The following KANK1 variants were observed in gnomAD, a reference collection of about 807,000 sequenced individuals.
KANK1 encodes the protein KN motif and ankyrin repeat domain-containing protein 1.
A neutral mutation model predicts 106.2 loss-of-function variants in KANK1; 109 were observed. The ratio of observed to expected loss-of-function variants is 1.03; its 90% CI spans 0.88 to 1.20. The LOEUF is 1.20. Ranked by LOEUF, KANK1 falls within the 50% of genes most tolerant of loss-of-function variation. The probability of loss-of-function intolerance (pLI) is 0.00; values close to 1 mark genes in which losing one functional copy is unlikely to be tolerated. For missense variants in KANK1, 2,399 were observed against 1,710.7 expected, an observed-to-expected ratio of 1.40 and a Z score of -7.10; for synonymous variants, 873 against 652.2, an observed-to-expected ratio of 1.34 and a Z score of -5.16.
chr9:603,772 G>A lies in KANK1; in HGVS notation c.-83-73118G>A, dbSNP rs982178043. 6.1e-4 allele frequency among the ~76,000 whole-genome samples: 92 copies of A among 151,302 alleles called. 1 individual carries two copies. Among genetic ancestry groups the A allele is most frequent in the Non-Finnish European group, 7.2e-4 (49 of 67,870 alleles). ...GGAGTCCGAGACCAGTCTGGCCAAT[G>A]TGGCGAAACCCACCCCGTCTCTACT... On this transcript the variant is annotated intron_variant, in intron 1 of 11. Coordinates refer to ENST00000382297, the MANE Select transcript of KANK1 (RefSeq NM_015158.5).
intron 1 of KANK1, among the ~76,000 whole-genome samples, chr9:554,396 C>CTGAT (rs1414216376): frequency 6.6e-6 from 1 of 152,174 alleles, no homozygotes; most frequent in African/African-American, 2.4e-5. Flanking sequence ...CTGGCCCTCA[C>CTGAT]TGATTGGATG....
At chr9:573,839 A>G (rs1819846993) in intron 1 of KANK1, among the ~76,000 whole-genome samples, 1 of 152,118 alleles carries the variant, frequency 6.6e-6, no homozygotes, top group Admixed American at 6.6e-5. Flanking sequence ...TACATTTACA[A>G]GATTCATACA....
At chr9:501,729 A>T (rs1034976047), upstream of KANK1, among the ~76,000 whole-genome samples, 6 of 152,248 alleles carry the variant, frequency 3.9e-5, no homozygotes, top group African/African-American at 1.4e-4. Flanking sequence ...TTTTTAAAAA[A>T]ATAGAGATGA....
intron 3 of KANK1, among the ~76,000 whole-genome samples, chr9:492,965 G>A (rs752778582): frequency 4.0e-5 from 6 of 151,214 alleles, no homozygotes; most frequent in African/African-American, 7.3e-5. Flanking sequence ...CAGAGGTTGC[G>A]GTGAGCTGAG....
intron 1 of KANK1, among the ~76,000 whole-genome samples, chr9:535,001 C>T (rs535303813): frequency 5.3e-5 from 8 of 152,232 alleles, no homozygotes; most frequent in East Asian, 1.9e-4. Flanking sequence ...TTTGAGGATG[C>T]CCCCTTTGCC....
At chr9:532,397 C>G (rs184487754) in intron 1 of KANK1, among the ~76,000 whole-genome samples, 323 of 89,868 alleles carry the variant, frequency 3.6e-3, no homozygotes, top group African/African-American at 0.014. Flanking sequence ...TTTACCATTT[C>G]AATCATTTTG....
At chr9:526,013 T>G (rs1449181316) in intron 1 of KANK1, among the ~76,000 whole-genome samples, 1 of 151,852 alleles carries the variant, frequency 6.6e-6, no homozygotes, top group Non-Finnish European at 1.5e-5. Context: ...CAGGTTACTT[T>G]TAATTGAGTT....
At chr9:659,371 A>T (rs549068749) in intron 1 of KANK1, among the ~76,000 whole-genome samples, 1 of 152,170 alleles carries the variant, frequency 6.6e-6, no homozygotes, top group South Asian at 2.1e-4. Flanking sequence ...CTAGCGGGTT[A>T]TCAAAATGCA....
chr9:735,039 C>T (rs1833399862), intron 7 of KANK1, among the ~76,000 whole-genome samples: 1 of 152,190 alleles, frequency 6.6e-6, no homozygotes, highest in African/African-American at 2.4e-5. Context: ...CAACTTCGGA[C>T]ATCCTTTACC....
intron 1 of KANK1, among the ~76,000 whole-genome samples, chr9:673,292 C>T (rs538325026): frequency 1.4e-5 from 2 of 147,656 alleles, no homozygotes; most frequent in East Asian, 4.0e-4. Context: ...CTCACCGCAA[C>T]CTCTGCCTCC....
Position 711,184 on chromosome 9 carries a change from C to T in KANK1, c.418C>T (p.Leu140=), listed in dbSNP as rs1295819368. Residue 140 remains leucine, a synonymous_variant, in exon 3 of 12, where the codon CTG becomes TTG. Transcript: ENST00000382297. ...TCTTACCATCCCAGAAAATCGACAG[C>T]TGCCACCTCCCTCACCACAACTCCC... The part of the protein sequence containing the change: ...PFLTIPENRQ[L]PPPSPQLPKH... The T allele has an allele frequency of 3.1e-6, 5 of 1,614,064 alleles. No individual in the cohort carries two copies. The highest frequency in any genetic ancestry group is 4.2e-6 in the Non-Finnish European group (5 of 1,180,042).
intron 1 of KANK1, among the ~76,000 whole-genome samples, chr9:645,615 C>G (rs144571569): frequency 2.0e-5 from 3 of 150,584 alleles, no homozygotes; most frequent in Non-Finnish European, 4.4e-5. Context: ...GGCGTGGTGG[C>G]TCATGCCTGT....
intron 1 of KANK1, among the ~76,000 whole-genome samples, chr9:604,696 G>A (rs1356106345): frequency 6.6e-6 from 1 of 151,696 alleles, no homozygotes; most frequent in Non-Finnish European, 1.5e-5. Flanking sequence ...CCGGGCGGGT[G>A]GCGCACACCT....
At chr9:666,472 G>A (rs549013753) in intron 1 of KANK1, among the ~76,000 whole-genome samples, 4 of 151,762 alleles carry the variant, frequency 2.6e-5, no homozygotes, top group South Asian at 2.1e-4. Flanking sequence ...CAGGACTTCC[G>A]CTTTATGTTG....
At chr9:596,567 T>TA (rs1826270903) in intron 1 of KANK1, among the ~76,000 whole-genome samples, 2 of 151,752 alleles carry the variant, frequency 1.3e-5, no homozygotes, top group Admixed American at 1.3e-4. Flanking sequence ...CAATAGCTCT[T>TA]AGAGTGTTTC....
chr9:720,515 T>C (rs1295686530), intron 3 of KANK1, among the ~76,000 whole-genome samples: 1 of 152,188 alleles, frequency 6.6e-6, no homozygotes, highest in East Asian at 1.9e-4. Flanking sequence ...AGCTGTTTTT[T>C]GTTTTGTTGT....
intron 3 of KANK1, among the ~76,000 whole-genome samples, chr9:478,822 C>T (rs1426285344): frequency 2.6e-5 from 4 of 152,146 alleles, no homozygotes; most frequent in African/African-American, 9.7e-5. Flanking sequence ...AGTGAAGCCA[C>T]ATTTACTTTG....
chr9:509,644 C>T (rs1171550653), intron 1 of KANK1, among the ~76,000 whole-genome samples: 1 of 152,154 alleles, frequency 6.6e-6, no homozygotes, highest in Non-Finnish European at 1.5e-5. Flanking sequence ...TTTACTAGTA[C>T]ATACCGTTGT....
intron 3 of KANK1, chr9:495,645 T>C (rs2058447839): frequency 6.6e-6 from 1 of 152,228 alleles, no homozygotes; most frequent in African/African-American, 2.4e-5. Flanking sequence ...CATCAGTGTA[T>C]TTGGCTTCAG....
Sources: gnomAD v4.1 joint callset for allele counts (sites outside exome capture counted in the v4.1 genomes callset) on GRCh38, gnomAD v4.1.1 for gene constraint, MANE v1.5 for transcripts, NCBI Gene and HGNC (gene_info 2026-07-23, HGNC 2026-07-21) for gene names.